The following APC2 variants were observed in gnomAD, a reference collection of about 807,000 sequenced individuals.
APC2 encodes the protein APC regulator of Wnt signaling pathway 2.
Under a neutral mutation model 72.5 loss-of-function variants are expected in APC2, and 41 were observed. The ratio of observed to expected loss-of-function variants is 0.57; its 90% CI spans 0.44 to 0.73. APC2 has a LOEUF of 0.73. Among genes scored for constraint, APC2 ranks in the 30% least tolerant of loss-of-function variants. The probability of loss-of-function intolerance (pLI) is 0.00; values close to 1 mark genes in which losing one functional copy is unlikely to be tolerated. For synonymous variants in APC2, 1,898 were observed against 1,612.0 expected (o/e 1.18, Z -4.25); for missense variants, 3,729 against 3,403.4 (o/e 1.10, Z -2.38).
upstream of APC2, chr19:1,446,311 C>A (rs2083687235): frequency 1.0e-6 from 1 of 984,612 alleles, no homozygotes; most frequent in Non-Finnish European, 1.2e-6. This position sits in a 1 kb window ranked among gnomAD's most constrained non-coding sequence, Gnocchi z 6.1. Flanking sequence ...GGCTCCTGAG[C>A]CTGCTGCACT....
rs759261651 is a variant in APC2 at position 1,466,185 on chromosome 19, C to A, written c.2884C>A (p.Pro962Thr). 6.4e-7 allele frequency: 1 copy of A among 1,561,936 alleles called. No homozygotes were observed. Among genetic ancestry groups the A allele is most frequent in the East Asian group, 2.4e-5 (1 of 42,508 alleles). The change falls in exon 15 of 15, where the codon CCT (proline) becomes ACT (threonine). Residue 962 changes from proline to threonine, a missense_variant. Transcript: ENST00000590469. ...SRREDPRCGQPRPSRLDLDLP... is the reference protein window; with the variant it reads ...SRREDPRCGQTRPSRLDLDLP... ...CCGCGAGGACCCCAGGTGTGGGCAG[C>A]CTCGGCCCAGCCGGCTTGACCTTGA...
rs1274505588 is a variant in APC2, at chr19:1,468,069, G to A, written c.4768G>A (p.Glu1590Lys). 11 of 1,559,298 alleles carry A rather than the reference G, an allele frequency of 7.1e-6. No individual in the cohort carries two copies. Among genetic ancestry groups the A allele is most frequent in the African/African-American group, 1.4e-5 (1 of 71,076 alleles). The part of the protein sequence containing the change: ...SSSASSLSEP[E>K]PSEPPAVHPR... ...CTCCGCCAGCTCCCTCAGCGAGCCC[G>A]AGCCCTCGGAGCCGCCGGCCGTCCA... The change falls in exon 15 of 15, where the codon GAG (glutamate) becomes AAG (lysine). Residue 1590 changes from glutamate (E) to lysine (K), a missense_variant. Coordinates refer to ENST00000590469, the MANE Select transcript of APC2 (RefSeq NM_005883.3).
intron 14 of APC2, among the ~76,000 whole-genome samples, chr19:1,464,950 T>TC (rs2083982687): frequency 6.6e-6 from 1 of 151,288 alleles, no homozygotes; most frequent in African/African-American, 2.4e-5. Flanking sequence ...TTTTTTTTTT[T>TC]AACTCCATCT....
In APC2 at chr19:1,450,220, C is replaced by T; in HGVS notation, c.-137C>T. ...GCCCCTGCCCGCGCCGCGGAGACCC[C>T]GGAGCCCGCGCGCTCCGAGGCCACC... On this transcript the variant is annotated 5_prime_UTR_variant, in exon 1 of 15. Transcript: ENST00000590469. 2 of 985,394 alleles carry T rather than the reference C, an allele frequency of 2.0e-6. No individual in the cohort carries two copies. Among genetic ancestry groups the T allele is most frequent in the Non-Finnish European group, 2.4e-6 (2 of 829,924 alleles). 61.0% of individuals were successfully genotyped at this position (985,394 alleles called of 1,614,324 possible). A position where few individuals can be genotyped will look rare whatever the true frequency, so the allele number is the denominator to read the frequency against.
chr19:1,467,776 C>A lies in APC2; in HGVS notation c.4475C>A (p.Ala1492Glu), dbSNP rs757959935. 7.0e-6 allele frequency: 10 copies of A among 1,432,274 alleles called. No individual in the cohort carries two copies. The East Asian group carries it at 2.2e-4, about 31-fold the overall frequency. 88.7% of individuals were successfully genotyped at this position (1,432,274 alleles called of 1,614,324 possible). ...SKPGRTRGDGALQSLCLTTPT... is the reference protein window; with the variant it reads ...SKPGRTRGDGELQSLCLTTPT... ...CCCGGCCGGACCCGCGGGGACGGGG[C>A]GCTCCAGTCGCTGTGCCTCACGACG... The change falls in exon 15 of 15, where the codon GCG becomes GAG. Residue 1492 changes from alanine (A) to glutamate (E), a missense_variant. Physicochemically the swap from Ala to Glu is moderately radical, Grantham distance 107. Transcript: ENST00000590469.
chr19:1,457,379 G>A (rs2145199327), intron 9 of APC2, 136 bp downstream of exon 9: 4 of 1,275,248 alleles, frequency 3.1e-6, no homozygotes, highest in South Asian at 1.6e-5. Context: ...GGCTCCGGCC[G>A]AGGCCTGTGG....
In APC2 at chr19:1,466,217, C is replaced by G; in HGVS notation, c.2916C>G (p.Pro972=). Residue 972 remains proline, a synonymous_variant, in exon 15 of 15, where the codon CCC becomes CCG. Coordinates refer to ENST00000590469, the MANE Select transcript of APC2 (RefSeq NM_005883.3). ...PRPSRLDLDL[P]GCQAEPPARE... ...CCAGCCGGCTTGACCTTGACCTGCC[C>G]GGCTGCCAGGCCGAGCCCCCGGCCC... 6.5e-7 allele frequency: 1 copy of G among 1,550,110 alleles called. No individual in the cohort carries two copies. The highest frequency in any genetic ancestry group is 8.6e-7 in the Non-Finnish European group (1 of 1,156,290).
rs1281678075 is a variant in APC2, at chr19:1,469,634, C to G, written c.6333C>G (p.Pro2111=). The G allele has an allele frequency of 1.6e-6, 2 of 1,230,220 alleles. No individual in the cohort carries two copies. Among genetic ancestry groups the G allele is most frequent in the Non-Finnish European group, 2.0e-6 (2 of 985,618 alleles). 76.2% of individuals were successfully genotyped at this position (1,230,220 alleles called of 1,614,324 possible). The change falls in exon 15 of 15, where the codon CCC becomes CCG. Residue 2111 remains proline (P), a synonymous_variant. Coordinates refer to ENST00000590469, the MANE Select transcript of APC2 (RefSeq NM_005883.3). The part of the protein sequence containing the change: ...SLPHISVARR[P]DGAVPAAPAS... ...CGCACATCAGCGTGGCCCGCAGGCC[C>G]GACGGCGCCGTCCCCGCGGCCCCTG... is the stretch of plus-strand genomic sequence containing the variant.
At position 1,465,516 on chromosome 19, in the gene APC2, C is replaced by T; in HGVS notation, c.2215C>T (p.Leu739=). The stretch of plus-strand genomic sequence containing the variant: ...GGACGCACGGCACCTCGCGCAGGCG[C>T]TGGAGCACCTGGAGAAGCAGGGCCC... The part of the protein sequence containing the change: ...ELDARHLAQA[L]EHLEKQGPPA... The change falls in exon 15 of 15, where the codon CTG becomes TTG. Residue 739 remains leucine (L), a synonymous_variant. Transcript: ENST00000590469. The T allele has an allele frequency of 6.6e-7, 1 of 1,525,796 alleles. No homozygotes were observed. The allele number at this position is 1,525,796 out of a possible 1,614,324, so 94.5% of individuals were successfully genotyped here.
At position 1,456,922 on chromosome 19, in the gene APC2, C is replaced by T; in HGVS notation, c.886C>T (p.Leu296=). 1 of 1,570,618 alleles carries T rather than the reference C, an allele frequency of 6.4e-7. No homozygotes were observed. The change falls in exon 9 of 15, where the codon CTG becomes TTG. Residue 296 remains leucine (L), a synonymous_variant. Transcript: ENST00000590469. ...RDQEDTARTL[L]AMSSSPESCV... is the part of the protein sequence containing the mutation. ...CCAGGAGGATACAGCGCGCACGCTG[C>T]TGGCCATGTCCAGCTCGCCCGAGAG...
Position 1,461,119 on chromosome 19 carries a change from C to A in APC2, c.1604C>A (p.Thr535Asn). 6.2e-7 allele frequency: 1 copy of A among 1,612,556 alleles called. No homozygotes were observed. Among genetic ancestry groups the A allele is most frequent in the Non-Finnish European group, 8.5e-7 (1 of 1,180,008 alleles). The change falls in exon 13 of 15, where the codon ACT becomes AAT. Residue 535 changes from threonine to asparagine, a missense_variant. Coordinates refer to ENST00000590469, the MANE Select transcript of APC2 (RefSeq NM_005883.3). ...GTGCTGAGGGAGGCGGGCAGCGTGA[C>A]TGCCCTGGTGCAGTGTGTCCTGCGG... ...KKVLREAGSV[T>N]ALVQCVLRAT...
chr19:1,470,238 G>C lies in APC2; in HGVS notation c.*25G>C. The C allele has an allele frequency of 6.4e-7, 1 of 1,554,164 alleles. No homozygotes were observed. The highest frequency in any genetic ancestry group is 1.2e-5 in the South Asian group (1 of 84,962). On this transcript the variant is annotated 3_prime_UTR_variant, in exon 15 of 15. Transcript: ENST00000590469. ...GTGGCCTAGGCCGGCCTTCTGGAACGTTCTCTCCCGGCCCTGCGGCGCGGT... is the reference window on the plus strand; with the variant it reads ...GTGGCCTAGGCCGGCCTTCTGGAACCTTCTCTCCCGGCCCTGCGGCGCGGT...
Position 1,470,242 on chromosome 19 carries a change from T to C in APC2, c.*29T>C, listed in dbSNP as rs2084112212. 1.3e-6 allele frequency: 2 copies of C among 1,548,762 alleles called. No individual in the cohort carries two copies. The highest frequency in any genetic ancestry group is 1.9e-5 in the Admixed American group (1 of 52,618). On this transcript the variant is annotated 3_prime_UTR_variant, in exon 15 of 15. Transcript: ENST00000590469. ...CCTAGGCCGGCCTTCTGGAACGTTC[T>C]CTCCCGGCCCTGCGGCGCGGTCTGG...
rs766335918 is a variant in APC2, at chr19:1,470,177, A to G, written c.6876A>G (p.Lys2292=). Residue 2292 remains lysine, a synonymous_variant, in exon 15 of 15, where the codon AAA becomes AAG. Transcript: ENST00000590469. ...CCACCACCGACTCGGCCGCGGAGAA[A>G]GCCCCGGCCACTGCCTCCGCCACCC... is the stretch of plus-strand genomic sequence containing the variant. ...VAATTDSAAE[K]APATASATLL... is the part of the protein sequence containing the mutation. 42 of 1,601,902 alleles carry G rather than the reference A, an allele frequency of 2.6e-5. No homozygotes were observed. The highest frequency in any genetic ancestry group is 3.1e-5 in the Non-Finnish European group (37 of 1,176,278).
At chr19:1,454,139 CA>C (rs1460543044) in intron 4 of APC2, among the ~76,000 whole-genome samples, 1 of 152,176 alleles carries the variant, frequency 6.6e-6, no homozygotes, top group Non-Finnish European at 1.5e-5. Context: ...GGACCTCACT[CA>C]GCTCCCCTAA....
Position 1,450,337 on chromosome 19 carries a change from G to A in APC2, c.-20G>A. The A allele has an allele frequency of 1.0e-6, 1 of 985,518 alleles. No individual in the cohort carries two copies. The highest frequency in any genetic ancestry group is 1.2e-6 in the Non-Finnish European group (1 of 829,952). The allele number at this position is 985,518 out of a possible 1,614,324, so 61.0% of individuals were successfully genotyped here. On this transcript the variant is annotated splice_region_variant and 5_prime_UTR_variant, in exon 1 of 15. Coordinates refer to ENST00000590469, the MANE Select transcript of APC2 (RefSeq NM_005883.3). ...CCCGCCAGCCCAGCTGCACGTAAGC[G>A]GGTGTGTGTCCTCGGGGAGGAGGGC... is the stretch of plus-strand genomic sequence containing the variant.
intron 9 of APC2, 70 bp from the exon 10 acceptor site, chr19:1,457,895 C>CGGGGGGGGGT (rs71174372): frequency 1.6e-6 from 2 of 1,251,680 alleles, no homozygotes; most frequent in Non-Finnish European, 2.1e-6. Context: ...GGGCGGGTTG[C>CGGGGGGGGGT]GGGACCTTCG....
chr19:1,453,196 C>A, intron 2 of APC2, 51 bp from the exon 3 acceptor site: 4 of 1,564,418 alleles, frequency 2.6e-6, no homozygotes, highest in Non-Finnish European at 3.5e-6. Flanking sequence ...TGCCCCCCGG[C>A]AGCCCAGTGC....
Position 1,457,139 on chromosome 19 carries a change from T to A in APC2, c.1103T>A (p.Met368Lys), listed in dbSNP as rs772076492. 4.4e-6 allele frequency: 7 copies of A among 1,588,812 alleles called. No individual in the cohort carries two copies. The South Asian group carries it at 5.7e-5, about 13-fold the overall frequency. Reference sequence around the variant, plus strand: ...GACCAGGGCCTGGCGCGCAAGGAGATGCGCGTCCTGCACGTGCTGGAGCAG... The same window carrying A: ...GACCAGGGCCTGGCGCGCAAGGAGAAGCGCGTCCTGCACGTGCTGGAGCAG... ...QPDQGLARKE[M>K]RVLHVLEQIR... is the part of the protein sequence containing the mutation. Residue 368 changes from methionine to lysine, a missense_variant, in exon 9 of 15, where the codon ATG becomes AAG. By Grantham distance (95) the Met-to-Lys change is moderately conservative (BLOSUM62 -1). Transcript: ENST00000590469.
Sources: allele counts gnomAD v4.1 joint callset (sites outside exome capture counted in the v4.1 genomes callset), GRCh38; gene constraint gnomAD v4.1.1; non-coding constraint Gnocchi (gnomAD v3.1); transcripts MANE v1.5; gene names NCBI Gene and HGNC (gene_info 2026-07-23, HGNC 2026-07-21).